Variants in NUP210 observed in about 807,000 individuals in gnomAD.
NUP210 encodes nuclear pore membrane glycoprotein 210.
Under a neutral mutation model 196.0 loss-of-function variants are expected in NUP210, and 151 were observed. That is an observed-to-expected ratio of 0.77 (90% confidence interval 0.67 to 0.88). The LOEUF (loss-of-function observed/expected upper bound fraction) is 0.88. Among genes scored for constraint, NUP210 ranks in the 40% least tolerant of loss-of-function variants. The pLI is 0.00. For missense variants in NUP210, 2,314 were observed against 2,493.7 expected (o/e 0.93, Z 1.53); for synonymous variants, 1,070 against 1,052.7 (o/e 1.02, Z -0.32).
chr3:13,377,400 G>A (rs1441417845), intron 9 of NUP210, 56 bp downstream of exon 9: 17 of 1,272,454 alleles, frequency 1.3e-5, no homozygotes, highest in Admixed American at 8.6e-5. Context: ...TTCAGCAGCC[G>A]CGTCAGACAA....
chr3:13,366,101 G>C lies in NUP210; in HGVS notation c.1787-10C>G. ...CCTGGCGGCAGCCTCCCTACAGAAA[G>C]GAGAGAACTAGATGGTCACCCTGAA... On this transcript the variant is annotated splice_polypyrimidine_tract_variant and intron_variant, in intron 13 of 39. Coordinates refer to ENST00000254508, the MANE Select transcript of NUP210 (RefSeq NM_024923.4). 3 of 1,612,174 alleles carry C rather than the reference G, an allele frequency of 1.9e-6. No homozygotes were observed. Among genetic ancestry groups the C allele is most frequent in the Non-Finnish European group, 2.5e-6 (3 of 1,179,034 alleles).
intron 38 of NUP210, 25 bp downstream of exon 38, chr3:13,319,205 C>G: frequency 6.2e-7 from 1 of 1,611,992 alleles, no homozygotes. Context: ...GGGAACAGAC[C>G]CAGAGATACA....
intron 3 of NUP210, among the ~76,000 whole-genome samples, chr3:13,395,661 G>A (rs1699627905): frequency 6.6e-6 from 1 of 152,042 alleles, no homozygotes; most frequent in Admixed American, 6.6e-5. Flanking sequence ...CCATTGCAGG[G>A]GTCGACCGTG....
intron 14 of NUP210, 40 bp from the exon 15 acceptor site, chr3:13,360,531 G>C: frequency 6.7e-7 from 1 of 1,500,482 alleles, no homozygotes; most frequent in South Asian, 1.2e-5. Flanking sequence ...ATTCTTCTAA[G>C]GCAGCACGGG....
At chr3:13,390,036 C>T (rs1699435821) in intron 4 of NUP210, among the ~76,000 whole-genome samples, 1 of 152,160 alleles carries the variant, frequency 6.6e-6, no homozygotes, top group Admixed American at 6.5e-5. Flanking sequence ...ACACATGCGG[C>T]AGGTGACTTG....
chr3:13,376,837 A>C (rs1205072019), intron 9 of NUP210, among the ~76,000 whole-genome samples: 1 of 152,082 alleles, frequency 6.6e-6, no homozygotes, highest in African/African-American at 2.4e-5. Context: ...CGACATCTTC[A>C]AGGACACCGA....
intron 36 of NUP210, 117 bp from the exon 37 acceptor site, chr3:13,320,096 C>T (rs576331196): frequency 2.2e-6 from 2 of 894,856 alleles, no homozygotes; most frequent in Non-Finnish European, 3.4e-6. Context: ...TGGAAGCACC[C>T]CCGCTTCAGC....
chr3:13,397,658 A>G lies in NUP210; in HGVS notation c.305-170T>C, dbSNP rs139124756. ...GCCCCACTGACAGTTAACAGGGACT[A>G]CCAGAAAGAAAGGGCTGTGGGGGCC... On this transcript the variant is annotated intron_variant, in intron 2 of 39. Transcript: ENST00000254508. Among the ~76,000 whole-genome samples the G allele has an allele frequency of 6.5e-3, 988 of 152,332 alleles. 5 individuals are homozygous for G. Among genetic ancestry groups the G allele is most frequent in the Non-Finnish European group, 9.5e-3 (643 of 68,028 alleles).
At chr3:13,402,523 C>T (rs1699873624) in intron 1 of NUP210, among the ~76,000 whole-genome samples, 1 of 152,138 alleles carries the variant, frequency 6.6e-6, no homozygotes, top group Admixed American at 6.5e-5. Flanking sequence ...TGAAATTCTC[C>T]TTGCAAAACT....
chr3:13,327,585 A>G, intron 31 of NUP210, 148 bp from the exon 32 acceptor site: 1 of 639,368 alleles, frequency 1.6e-6, no homozygotes, highest in Non-Finnish European at 2.7e-6. Context: ...GTTACCAAGC[A>G]GTGGCCCCAG....
chr3:13,388,721 C>G (rs765546675), intron 4 of NUP210, among the ~76,000 whole-genome samples: 3 of 152,260 alleles, frequency 2.0e-5, no homozygotes, highest in Non-Finnish European at 2.9e-5. Context: ...ATTTTATCCA[C>G]ACGCACACGT....
At chr3:13,343,339 T>TGGTGGTGGGGGGGGGGGG in intron 20 of NUP210, 36 bp from the exon 21 acceptor site, 1 of 282,522 alleles carries the variant, frequency 3.5e-6, no homozygotes, top group East Asian at 8.4e-5. Flanking sequence ...GGGTGGGTGG[T>TGGTGGTGGGGGGGGGGGG]GGGTTACGCA....
At chr3:13,369,206 G>C (rs144103608) in intron 13 of NUP210, among the ~76,000 whole-genome samples, 6 of 152,266 alleles carry the variant, frequency 3.9e-5, no homozygotes, top group South Asian at 2.1e-4. Context: ...CTTCCCGTGT[G>C]CTTATTGTCC....
intron 14 of NUP210, among the ~76,000 whole-genome samples, chr3:13,365,083 G>A (rs914358669): frequency 2.0e-5 from 3 of 152,186 alleles, no homozygotes; most frequent in Non-Finnish European, 4.4e-5. Context: ...CCCTCTCTGC[G>A]CCTCCTGCAA....
At chr3:13,353,035 G>A (rs1698035687) in intron 18 of NUP210, among the ~76,000 whole-genome samples, 1 of 151,984 alleles carries the variant, frequency 6.6e-6, no homozygotes, top group South Asian at 2.1e-4. Context: ...CCCAATCAAG[G>A]GAATCCTGGT....
chr3:13,396,533 A>C (rs1699659865), intron 3 of NUP210, among the ~76,000 whole-genome samples: 1 of 150,708 alleles, frequency 6.6e-6, no homozygotes, highest in Non-Finnish European at 1.5e-5. Context: ...GGATCATCTG[A>C]GGTCAGGAGT....
At position 13,321,732 on chromosome 3, in the gene NUP210, G is replaced by A; in HGVS notation, c.5019C>T (p.Ser1673=). The stretch of plus-strand genomic sequence containing the variant: ...CCACCTGCTCTGTGGAGAAGTGGCT[G>A]CTGGAGAGGGAGGCACTGACCACCA... The part of the protein sequence containing the change: ...TALVVSASLS[S]SHFSTEQVGA... Residue 1673 remains serine, a synonymous_variant, in exon 36 of 40, where the codon AGC becomes AGT. Transcript: ENST00000254508. 1 of 1,614,066 alleles carries A rather than the reference G, an allele frequency of 6.2e-7. No homozygotes were observed. The highest frequency in any genetic ancestry group is 1.1e-5 in the South Asian group (1 of 91,086).
rs547788881 is a variant in NUP210 at position 13,343,393 on chromosome 3, C to T, written c.2836-90G>A. 47 of 1,472,948 alleles carry T rather than the reference C, an allele frequency of 3.2e-5. No homozygotes were observed. In the South Asian group the frequency reaches 5.2e-4, roughly 16 times the overall value. 91.2% of individuals were successfully genotyped at this position (1,472,948 alleles called of 1,614,324 possible). A position where few individuals can be genotyped will look rare whatever the true frequency, so the allele number is the denominator to read the frequency against. On this transcript the variant is annotated intron_variant, in intron 20 of 39. Transcript: ENST00000254508. ...GCTCAGGTTTGTGAGCAGTGCCTCG[C>T]CCTCAGCACCAGCCTATCACCTCAT...
At chr3:13,356,886 C>A (rs776178104) in intron 16 of NUP210, among the ~76,000 whole-genome samples, 1 of 152,372 alleles carries the variant, frequency 6.6e-6, no homozygotes, top group African/African-American at 2.4e-5. Flanking sequence ...GGCCAACAGA[C>A]AGACCAGGAC....
Sources: allele counts gnomAD v4.1 joint callset (sites outside exome capture counted in the v4.1 genomes callset), GRCh38; gene constraint gnomAD v4.1.1; transcripts MANE v1.5; gene names NCBI Gene and HGNC (gene_info 2026-07-23, HGNC 2026-07-21).